Variants in MATR3 observed in about 807,000 individuals in gnomAD.
MATR3 encodes the protein matrin 3.
Under a neutral mutation model 85.5 loss-of-function variants are expected in MATR3, and 4 were observed. That is an observed-to-expected ratio of 0.05 (90% CI 0.02 to 0.11). The LOEUF is 0.11. MATR3 is among the 10% of genes least tolerant of loss of function. The pLI, the probability that MATR3 is intolerant of heterozygous loss-of-function variation, is 1.00. For synonymous variants in MATR3, 336 were observed against 343.1 expected (o/e 0.98, Z 0.23); for missense variants, 685 against 1,016.1 (o/e 0.67, Z 4.43).
rs1318860923 is a variant in MATR3, at chr5:139,322,879, T to G, written c.2060T>G (p.Val687Gly). 1 of 1,613,906 alleles carries G rather than the reference T, an allele frequency of 6.2e-7. No homozygotes were observed. The highest frequency in any genetic ancestry group is 8.5e-7 in the Non-Finnish European group (1 of 1,179,988). The stretch of plus-strand genomic sequence containing the variant: ...ACCGATCTTGCTAATTTAGGTGATG[T>G]GGCTTCTGATGGGAAAAAGGAACCA... ...DETDLANLGD[V>G]ASDGKKEPSD... The change falls in exon 12 of 15, where the codon GTG becomes GGG. Residue 687 changes from valine (V) to glycine (G), a missense_variant. Val to Gly is a moderately radical substitution (Grantham distance 109). Coordinates refer to ENST00000394805, the MANE Select transcript of MATR3 (RefSeq NM_018834.6).
chr5:139,325,250 A>AT (rs1755789287), intron 12 of MATR3, 190 bp from the exon 13 acceptor site: 2 of 1,547,096 alleles, frequency 1.3e-6, no homozygotes, highest in African/African-American at 2.7e-5. Flanking sequence ...GACAGAAGGG[A>AT]TGCTGCAGGA....
chr5:139,305,747 A>G (rs1020584348), intron 1 of MATR3, among the ~76,000 whole-genome samples: 2 of 152,108 alleles, frequency 1.3e-5, no homozygotes, highest in Non-Finnish European at 2.9e-5. Context: ...TCTCAAATTC[A>G]TCTTTCTTGG....
rs775200100 is a variant in MATR3, at chr5:139,331,569, C to T, written c.*2174C>T. 9.2e-5 allele frequency: 42 copies of T among 454,140 alleles called. No homozygotes were observed. The highest frequency in any genetic ancestry group is 3.8e-4 in the Admixed American group (16 of 42,572). The allele number at this position is 454,140 out of a possible 1,614,324, so 28.1% of individuals were successfully genotyped here. A position where few individuals can be genotyped will look rare whatever the true frequency, so the allele number is the denominator to read the frequency against. ...CCTCTTTTTAGTAGGAATGTTTCCA[C>T]TCATGTTTGCTGTAAAGTTTAAGAA... On this transcript the variant is annotated 3_prime_UTR_variant, in exon 15 of 15. Coordinates refer to ENST00000394805, the MANE Select transcript of MATR3 (RefSeq NM_018834.6).
intron 1 of MATR3, among the ~76,000 whole-genome samples, chr5:139,299,672 T>A (rs1754339792): frequency 6.6e-6 from 1 of 152,080 alleles, no homozygotes; most frequent in South Asian, 2.1e-4. Context: ...AAGGAAATCG[T>A]AGTGTGGATT....
intron 9 of MATR3, 118 bp from the exon 10 acceptor site, chr5:139,321,780 C>T (rs988758825): frequency 2.4e-6 from 2 of 841,296 alleles, no homozygotes; most frequent in Non-Finnish European, 3.6e-6. Context: ...GAGACCCTGT[C>T]TCAAAAAAGA....
intron 9 of MATR3, among the ~76,000 whole-genome samples, chr5:139,320,812 A>G (rs1340642832): frequency 4.9e-5 from 7 of 141,434 alleles, no homozygotes; most frequent in East Asian, 2.0e-4. Flanking sequence ...CAGTGGTGCA[A>G]TCTCAGCTTA....
In MATR3 at chr5:139,326,239, A is replaced by G; in HGVS notation, c.2448A>G (p.Ala816=). 1.2e-6 allele frequency: 2 copies of G among 1,613,604 alleles called. No homozygotes were observed. Among genetic ancestry groups the G allele is most frequent in the South Asian group, 1.1e-5 (1 of 91,076 alleles). ...TCTTTTATACAAATGAAGAAGTTGC[A>G]AAGAATACTCATTGCAGCAGCCTTC... ...CSLFYTNEEV[A]KNTHCSSLPH... Residue 816 remains alanine (A), a synonymous_variant, in exon 14 of 15, where the codon GCA becomes GCG. Coordinates refer to ENST00000394805, the MANE Select transcript of MATR3 (RefSeq NM_018834.6).
chr5:139,322,570 T>A (rs1290585141), intron 11 of MATR3, 28 bp from the exon 12 acceptor site: 1 of 1,584,042 alleles, frequency 6.3e-7, no homozygotes, highest in Admixed American at 1.7e-5. Context: ...GACAACAAAT[T>A]AATTGTGGTG....
Position 139,330,505 on chromosome 5 carries a change from CTT to C in MATR3, c.*1113_*1114del, listed in dbSNP as rs1756086765. ...TTGTGCATGCTTTAACAATTTATTA[CTT>C]TTAAATCTAGAGTGAATTCTAAAGA... is the stretch of plus-strand genomic sequence containing the variant. On this transcript the variant is annotated 3_prime_UTR_variant, in exon 15 of 15. Transcript: ENST00000394805. 2.2e-6 allele frequency: 1 copy of C among 454,010 alleles called. No individual in the cohort carries two copies. Among genetic ancestry groups the C allele is most frequent in the African/African-American group, 2.0e-5 (1 of 50,010 alleles). The allele number at this position is 454,010 out of a possible 1,614,324, so 28.1% of individuals were successfully genotyped here. A position where few individuals can be genotyped will look rare whatever the true frequency, so the allele number is the denominator to read the frequency against.
chr5:139,275,496 T>C (rs1753242552), intron 1 of MATR3, among the ~76,000 whole-genome samples: 1 of 152,162 alleles, frequency 6.6e-6, no homozygotes, highest in Non-Finnish European at 1.5e-5. Context: ...TTTCCCTTTT[T>C]ACTCACTCAT....
intron 1 of MATR3, among the ~76,000 whole-genome samples, chr5:139,296,628 CA>C (rs976567080): frequency 6.6e-6 from 1 of 152,136 alleles, no homozygotes; most frequent in Non-Finnish European, 1.5e-5. Context: ...TGAGAAGTGA[CA>C]GAAAGTAGTG....
At chr5:139,294,583 G>A (rs1036686006) in intron 1 of MATR3, 6 of 152,210 alleles carry the variant, frequency 3.9e-5, no homozygotes, top group African/African-American at 1.2e-4. Context: ...TTCGTACTGC[G>A]TCGTGGAACA....
intron 9 of MATR3, among the ~76,000 whole-genome samples, chr5:139,321,341 T>G (rs1210927766): frequency 1.1e-4 from 17 of 151,970 alleles, no homozygotes; most frequent in Admixed American, 9.8e-4. Context: ...GTAGTAGAGA[T>G]GGGGTTTCAC....
chr5:139,302,006 A>G (rs1390087415), intron 1 of MATR3, among the ~76,000 whole-genome samples: 1 of 152,228 alleles, frequency 6.6e-6, no homozygotes, highest in Non-Finnish European at 1.5e-5. Flanking sequence ...TGTTAGATGG[A>G]TTAAGAACAG....
intron 9 of MATR3, among the ~76,000 whole-genome samples, chr5:139,320,858 C>T (rs1358671862): frequency 3.3e-5 from 5 of 149,356 alleles, no homozygotes; most frequent in African/African-American, 1.0e-4. Flanking sequence ...TGGCATTCTC[C>T]TGCCTCAGCT....
chr5:139,279,620 C>T (rs554438238), intron 3 of MATR3: 8 of 159,580 alleles, frequency 5.0e-5, no homozygotes, highest in South Asian at 1.8e-4. Flanking sequence ...TCTCCTGCCT[C>T]GGCCTCCTGA....
At chr5:139,290,344 T>C (rs13159216), upstream of MATR3, among the ~76,000 whole-genome samples, 88,247 of 150,852 alleles carry the variant, frequency 0.58, 27,778 homozygotes, top group Non-Finnish European at 0.72. Flanking sequence ...GGGGTTTCAC[T>C]ATGTTGGCCA....
At chr5:139,329,078 G>GT (rs1377492656) in intron 14 of MATR3, among the ~76,000 whole-genome samples, 1 of 152,010 alleles carries the variant, frequency 6.6e-6, no homozygotes, top group African/African-American at 2.4e-5. Flanking sequence ...TGTGACTGTG[G>GT]TCTTTGTTTT....
At position 139,329,692 on chromosome 5, in the gene MATR3, C is replaced by A. The variant is rs562599302; in HGVS notation, c.*297C>A. The A allele has an allele frequency of 2.1e-6, 1 of 471,950 alleles. No homozygotes were observed. The highest frequency in any genetic ancestry group is 1.6e-5 in the South Asian group (1 of 64,178). 29.2% of individuals were successfully genotyped at this position (471,950 alleles called of 1,614,324 possible). A position where few individuals can be genotyped will look rare whatever the true frequency, so the allele number is the denominator to read the frequency against. The stretch of plus-strand genomic sequence containing the variant: ...GCACCACTAAGAAAAAAATGTAGAA[C>A]CATTTGGAAAAATGAAATTTAGTAG... On this transcript the variant is annotated 3_prime_UTR_variant, in exon 15 of 15. Transcript: ENST00000394805.
Sources: gnomAD v4.1 joint callset for allele counts (sites outside exome capture counted in the v4.1 genomes callset) on GRCh38, gnomAD v4.1.1 for gene constraint, MANE v1.5 for transcripts, NCBI Gene and HGNC (gene_info 2026-07-23, HGNC 2026-07-21) for gene names.